Variants in DOP1B observed in about 807,000 individuals in gnomAD.
DOP1B encodes the protein protein DOP1B.
In DOP1B, 174 loss-of-function variants were observed where a neutral mutation model predicts 233.5. The ratio of observed to expected loss-of-function variants is 0.75; its 90% CI spans 0.66 to 0.85. The LOEUF (loss-of-function observed/expected upper bound fraction) is 0.85, where lower values mean the gene tolerates loss of function less well. Ranked by LOEUF, DOP1B falls within the 40% of genes least tolerant of loss-of-function variation. DOP1B has a pLI of 0.00. For missense variants in DOP1B, 2,652 were observed against 2,846.6 expected, an observed-to-expected ratio of 0.93 and a Z score of 1.56; for synonymous variants, 1,190 against 1,185.6, an observed-to-expected ratio of 1.00 and a Z score of -0.08.
In DOP1B at chr21:36,192,270, A is replaced by C. The variant is rs13052259; in HGVS notation, c.139-6800A>C. ...GCTACTCGAGAAGCTGAGGAGGGAGAATTGCCTGGGCTTGGGAGATTGAGG... is the reference window on the plus strand; with the variant it reads ...GCTACTCGAGAAGCTGAGGAGGGAGCATTGCCTGGGCTTGGGAGATTGAGG... On this transcript the variant is annotated intron_variant, in intron 2 of 36. Transcript: ENST00000691173. Among the ~76,000 whole-genome samples the C allele has an allele frequency of 1.8e-3, 278 of 151,850 alleles. 1 individual carries two copies. The highest frequency in any genetic ancestry group is 6.4e-3 in the African/African-American group (267 of 41,422).
chr21:36,230,307 A>T, intron 13 of DOP1B, 143 bp from the exon 14 acceptor site: 1 of 1,098,656 alleles, frequency 9.1e-7, no homozygotes, highest in Non-Finnish European at 1.3e-6. Flanking sequence ...CCTAAATTTC[A>T]TTATACACTT....
rs758280074 is a variant in DOP1B at position 36,208,866 on chromosome 21, G to A, written c.643G>A (p.Glu215Lys). 1 of 1,563,780 alleles carries A rather than the reference G, an allele frequency of 6.4e-7. No homozygotes were observed. Among genetic ancestry groups the A allele is most frequent in the African/African-American group, 1.4e-5 (1 of 72,918 alleles). The change falls in exon 5 of 37, where the codon GAG becomes AAG. Residue 215 changes from glutamate (E) to lysine (K), a missense_variant. Glu to Lys is a moderately conservative substitution (Grantham distance 56). Around this residue, in one of 3 missense-constraint regions of DOP1B, gnomAD observed 2,617 missense variants for 2,794.3 expected, o/e 0.94. Transcript: ENST00000691173. ...CATCAACAGGGATGCCCCCGGCCGG[G>A]AGCAGAAGTACATGCTGGGGACCAA... ...GHINRDAPGR[E>K]QKYMLGTNHQ... is the part of the protein sequence containing the mutation.
intron 10 of DOP1B, 65 bp from the exon 11 acceptor site, chr21:36,223,166 T>G: frequency 6.6e-7 from 1 of 1,508,318 alleles, no homozygotes; most frequent in Non-Finnish European, 8.9e-7. Context: ...TACAGTTTTT[T>G]GGACACTTTT....
Position 36,232,874 on chromosome 21 carries a change from C to T in DOP1B, c.2421C>T (p.Cys807=), listed in dbSNP as rs1322083006. ...CTATTTGCTGCTGTGTGACTGACTG[C>T]TACCTCCAGAACGTGGCCATTTCCA... ...LMTICCCVTD[C]YLQNVAISTL... The change falls in exon 15 of 37, where the codon TGC becomes TGT. Residue 807 remains cysteine, a synonymous_variant. Coordinates refer to ENST00000691173, the MANE Select transcript of DOP1B (RefSeq NM_001320714.2). 2 of 1,613,770 alleles carry T rather than the reference C, an allele frequency of 1.2e-6. No individual in the cohort carries two copies. The highest frequency in any genetic ancestry group is 1.7e-6 in the Non-Finnish European group (2 of 1,179,988).
chr21:36,237,118 T>G, intron 15 of DOP1B, 144 bp from the exon 16 acceptor site: 1 of 1,157,880 alleles, frequency 8.6e-7, no homozygotes, highest in Non-Finnish European at 1.2e-6. Context: ...TTGTTGGTGA[T>G]TTGTCTCTGA....
intron 12 of DOP1B, among the ~76,000 whole-genome samples, chr21:36,227,087 A>T (rs2066695165): frequency 6.6e-6 from 1 of 151,636 alleles, no homozygotes; most frequent in East Asian, 2.0e-4. Flanking sequence ...GGGCGCCTGT[A>T]GTCCCAGCTA....
chr21:36,230,778 G>C lies in DOP1B; in HGVS notation c.1994G>C (p.Arg665Thr), dbSNP rs371922970. Residue 665 changes from arginine (R) to threonine (T), a missense_variant, in exon 14 of 37, where the codon AGG becomes ACG. By Grantham distance (71) the Arg-to-Thr change is moderately conservative. Transcript: ENST00000691173. ...KSEEPAGKRD[R>T]DGTQSLAAND... ...GAGGAGCCTGCAGGGAAGAGGGACAGGGATGGGACGCAGAGCCTGGCAGCC... is the reference window on the plus strand; with the variant it reads ...GAGGAGCCTGCAGGGAAGAGGGACACGGATGGGACGCAGAGCCTGGCAGCC... The C allele has an allele frequency of 5.0e-6, 8 of 1,614,206 alleles. No homozygotes were observed. Among genetic ancestry groups the C allele is most frequent in the Non-Finnish European group, 6.8e-6 (8 of 1,180,034 alleles).
intron 4 of DOP1B, among the ~76,000 whole-genome samples, chr21:36,206,175 TC>T (rs1478346919): frequency 6.6e-6 from 1 of 152,218 alleles, no homozygotes; most frequent in Non-Finnish European, 1.5e-5. Context: ...TGCTGTTGTT[TC>T]TACTATGATG....
chr21:36,287,563 A>C (rs1364794174), intron 32 of DOP1B, among the ~76,000 whole-genome samples: 2 of 148,822 alleles, frequency 1.3e-5, no homozygotes, highest in African/African-American at 2.5e-5. Context: ...GTTGCACAAA[A>C]GCATCTCCTA....
chr21:36,168,876 AGTG>A (rs1325115055), intron 2 of DOP1B: 2 of 421,714 alleles, frequency 4.7e-6, no homozygotes, highest in Non-Finnish European at 8.6e-6. Context: ...AGTTGTGTGA[AGTG>A]GTCTCTCCCT....
At chr21:36,215,411 A>G (rs1307950766) in intron 9 of DOP1B, among the ~76,000 whole-genome samples, 6 of 151,992 alleles carry the variant, frequency 3.9e-5, no homozygotes, top group Non-Finnish European at 7.4e-5. Flanking sequence ...GAATGAACGA[A>G]TGAATGAATG....
intron 2 of DOP1B, among the ~76,000 whole-genome samples, chr21:36,176,105 T>TGTGTGTGTGTGTGC (rs1569001033): frequency 3.8e-4 from 58 of 151,518 alleles, no homozygotes; most frequent in Middle Eastern, 6.8e-3. Flanking sequence ...TGCGTGTGTG[T>TGTGTGTGTGTGTGC]GTGTGTGTGT....
chr21:36,251,425 C>T, intron 22 of DOP1B, 141 bp downstream of exon 22: 1 of 1,290,428 alleles, frequency 7.7e-7, no homozygotes, highest in South Asian at 1.7e-5. Flanking sequence ...TATTTTATTT[C>T]TTTATCTATT....
intron 22 of DOP1B, among the ~76,000 whole-genome samples, chr21:36,252,423 A>C (rs922745143): frequency 6.7e-6 from 1 of 149,572 alleles, no homozygotes; most frequent in Non-Finnish European, 1.5e-5. Context: ...GTGCCACTGC[A>C]CTCTAGCCTA....
At chr21:36,197,776 G>A (rs2066308482) in intron 2 of DOP1B, among the ~76,000 whole-genome samples, 1 of 152,212 alleles carries the variant, frequency 6.6e-6, no homozygotes, top group Non-Finnish European at 1.5e-5. Flanking sequence ...TTGGGAGGCC[G>A]AGGCGGGTGG....
At position 36,254,047 on chromosome 21, in the gene DOP1B, G is replaced by A. The variant is rs867017907; in HGVS notation, c.5259+138G>A. The A allele has an allele frequency of 6.0e-6, 7 of 1,164,370 alleles. No individual in the cohort carries two copies. The South Asian group carries it at 1.1e-4, about 19-fold the overall frequency. 72.1% of individuals were successfully genotyped at this position (1,164,370 alleles called of 1,614,324 possible). A position where few individuals can be genotyped will look rare whatever the true frequency, so the allele number is the denominator to read the frequency against. On this transcript the variant is annotated intron_variant, in intron 23 of 36. Coordinates refer to ENST00000691173, the MANE Select transcript of DOP1B (RefSeq NM_001320714.2). Reference sequence around the variant, plus strand: ...GTGGGAATGCTTGGGGTAGTGAAGTGGAGGTGCTGTTTGCTGTGCTTTGGG... The same window carrying A: ...GTGGGAATGCTTGGGGTAGTGAAGTAGAGGTGCTGTTTGCTGTGCTTTGGG...
At chr21:36,169,600 C>T (rs1310750315) in intron 2 of DOP1B, 1 of 992,664 alleles carries the variant, frequency 1.0e-6, no homozygotes, top group African/African-American at 1.6e-5. Context: ...GGGCTCAGTC[C>T]AGCTTCTCAG....
chr21:36,238,964 G>T (rs1341890377), intron 17 of DOP1B, among the ~76,000 whole-genome samples: 1 of 152,110 alleles, frequency 6.6e-6, no homozygotes, highest in African/African-American at 2.4e-5. Flanking sequence ...TTAGCTGGGC[G>T]TGGTGGTGGG....
intron 4 of DOP1B, 21 bp downstream of exon 4, chr21:36,200,522 G>A (rs377244247): frequency 6.3e-7 from 1 of 1,587,842 alleles, no homozygotes; most frequent in Non-Finnish European, 8.5e-7. Flanking sequence ...GTCTTGTCCA[G>A]GCTGTGTTTA....
Sources: allele counts gnomAD v4.1 joint callset (sites outside exome capture counted in the v4.1 genomes callset), GRCh38; gene constraint gnomAD v4.1.1; regional missense constraint gnomAD v4.1.1; transcripts MANE v1.5; gene names NCBI Gene and HGNC (gene_info 2026-07-23, HGNC 2026-07-21).